IST1: variants seen among roughly 807,000 people sequenced by gnomAD.
IST1 encodes the protein IST1 factor associated with ESCRT-III.
IST1 carries 23 observed loss-of-function variants against 37.0 expected under a neutral mutation model. That is an observed-to-expected ratio of 0.62 (90% CI 0.45 to 0.88). IST1 has a LOEUF of 0.88. IST1 is among the 40% of genes least tolerant of loss of function. IST1 has a pLI of 0.00. For missense variants in IST1, 488 were observed against 445.4 expected, an observed-to-expected ratio of 1.10 and a Z score of -0.86; for synonymous variants, 180 against 161.7, an observed-to-expected ratio of 1.11 and a Z score of -0.86.
At chr16:71,895,884 G>T (rs1238098923) in intron 1 of IST1, among the ~76,000 whole-genome samples, 1 of 152,236 alleles carries the variant, frequency 6.6e-6, no homozygotes, top group African/African-American at 2.4e-5. Context: ...TAGTCTTCCT[G>T]CCCCGAGGTG....
chr16:71,924,776 A>G lies in IST1; in HGVS notation c.860A>G (p.Asp287Gly). ...ACAATCTTTGTGTTTCAGGTAGATGACATTAATGCTGATAAGAATATCTCT... is the reference window on the plus strand; with the variant it reads ...ACAATCTTTGTGTTTCAGGTAGATGGCATTAATGCTGATAAGAATATCTCT... ...ATPPSYESVD[D>G]INADKNISSA... The change falls in exon 9 of 10, where the codon GAC (aspartate) becomes GGC (glycine). Residue 287 changes from aspartate to glycine, a missense_variant. This residue lies in a region of IST1 where 455 missense variants were observed against 386.2 expected (regional missense o/e 1.18). Coordinates refer to ENST00000378799, the MANE Select transcript of IST1 (RefSeq NM_001270975.2). The G allele has an allele frequency of 6.2e-7, 1 of 1,608,336 alleles. No individual in the cohort carries two copies. Among genetic ancestry groups the G allele is most frequent in the East Asian group, 2.2e-5 (1 of 44,870 alleles).
At chr16:71,912,840 T>A (rs981155003) in intron 1 of IST1, among the ~76,000 whole-genome samples, 9 of 152,254 alleles carry the variant, frequency 5.9e-5, no homozygotes, top group Non-Finnish European at 1.3e-4. Context: ...AAAAGCAGAA[T>A]CTTACAGTAT....
chr16:71,907,266 C>G (rs1213720653), intron 1 of IST1, among the ~76,000 whole-genome samples: 2 of 150,056 alleles, frequency 1.3e-5, no homozygotes, highest in Non-Finnish European at 3.0e-5. Flanking sequence ...TACTCTTTCT[C>G]CTATCCTTAT....
intron 1 of IST1, among the ~76,000 whole-genome samples, chr16:71,904,121 G>T (rs1207710286): frequency 6.6e-6 from 1 of 151,948 alleles, no homozygotes; most frequent in East Asian, 1.9e-4. Flanking sequence ...CTATTTGTTT[G>T]GTGGTGGTGG....
chr16:71,909,095 C>CTTTTTTT (rs34086105), intron 1 of IST1, among the ~76,000 whole-genome samples: 12 of 102,930 alleles, frequency 1.2e-4, no homozygotes, highest in East Asian at 3.6e-4. Context: ...TTTTGTTTGT[C>CTTTTTTT]TTTTTTTTTT....
At chr16:71,905,096 C>T (rs1019845017) in intron 1 of IST1, among the ~76,000 whole-genome samples, 19 of 151,584 alleles carry the variant, frequency 1.3e-4, no homozygotes, top group Non-Finnish European at 2.5e-4. Flanking sequence ...AGTGTAGTGG[C>T]GTGGTCTCAG....
chr16:71,900,870 T>G (rs1279228570), intron 1 of IST1, among the ~76,000 whole-genome samples: 5 of 152,168 alleles, frequency 3.3e-5, no homozygotes, highest in Non-Finnish European at 7.3e-5. Flanking sequence ...AGCACAGTGC[T>G]TAATAGAATA....
chr16:71,924,416 C>T (rs932951334), intron 8 of IST1: 1 of 408,288 alleles, frequency 2.4e-6, no homozygotes, highest in Non-Finnish European at 4.6e-6. Context: ...CATGGCGAAA[C>T]CCTGTCTCTA....
intron 1 of IST1, among the ~76,000 whole-genome samples, chr16:71,911,368 T>G (rs2037350509): frequency 6.8e-6 from 1 of 146,694 alleles, no homozygotes; most frequent in African/African-American, 2.5e-5. Flanking sequence ...TAAAAAAAAC[T>G]ATTGCTATAC....
rs1292687487 is a variant in IST1 at position 71,927,710 on chromosome 16, A to C, written c.998A>C (p.Asp333Ala). 1 of 1,613,722 alleles carries C rather than the reference A, an allele frequency of 6.2e-7. No individual in the cohort carries two copies. Among genetic ancestry groups the C allele is most frequent in the Non-Finnish European group, 8.5e-7 (1 of 1,179,646 alleles). ...FVLPELPSVP[D>A]TLPTASAGAS... ...CTACCAGAGTTGCCATCTGTGCCAG[A>C]CACACTACCAACTGCATCTGCTGGT... The change falls in exon 10 of 10, where the codon GAC becomes GCC. Residue 333 changes from aspartate to alanine, a missense_variant. Asp to Ala is a moderately radical substitution (Grantham distance 126, BLOSUM62 -2). Transcript: ENST00000378799.
In IST1 at chr16:71,922,692, TAA is replaced by T. The variant is rs1279070476; in HGVS notation, c.759+13_759+14del. ...TGCCAAAGGGACCAGTAAGTATATA[TAA>T]GTGTGGATGTAAGCTTTAGAAAATG... On this transcript the variant is annotated intron_variant, in intron 7 of 9. Transcript: ENST00000378799. 1.3e-6 allele frequency: 2 copies of T among 1,586,690 alleles called. No individual in the cohort carries two copies. Among genetic ancestry groups the T allele is most frequent in the South Asian group, 1.1e-5 (1 of 89,576 alleles).
chr16:71,924,619 T>C, intron 8 of IST1, 150 bp from the exon 9 acceptor site: 1 of 670,364 alleles, frequency 1.5e-6, no homozygotes, highest in East Asian at 2.6e-5. Flanking sequence ...AGTATCTACC[T>C]GATTGGAAAA....
intron 2 of IST1, 90 bp from the exon 3 acceptor site, chr16:71,916,372 A>C: frequency 8.0e-7 from 1 of 1,256,466 alleles, no homozygotes. Flanking sequence ...TAGTAGAAAC[A>C]CCCAGTTCTT....
intron 7 of IST1, 42 bp from the exon 8 acceptor site, chr16:71,923,246 A>G (rs1275436696): frequency 8.3e-7 from 1 of 1,203,876 alleles, no homozygotes; most frequent in East Asian, 2.4e-5. Context: ...GAGATTGCAA[A>G]CTGGAGGCAG....
rs2037890195 is a variant in IST1, at chr16:71,930,231, A to G, written c.*2418A>G. 1 of 1,492,736 alleles carries G rather than the reference A, an allele frequency of 6.7e-7. No homozygotes were observed. The highest frequency in any genetic ancestry group is 1.3e-5 in the South Asian group (1 of 75,810). 92.5% of individuals were successfully genotyped at this position (1,492,736 alleles called of 1,614,324 possible). ...TGCAGTGACTGACAATTTAGTTTATACTTTACAAACATAAGCTATATGCTA... is the reference window on the plus strand; with the variant it reads ...TGCAGTGACTGACAATTTAGTTTATGCTTTACAAACATAAGCTATATGCTA... On this transcript the variant is annotated 3_prime_UTR_variant, in exon 10 of 10. Coordinates refer to ENST00000378799, the MANE Select transcript of IST1 (RefSeq NM_001270975.2).
At chr16:71,916,402 C>T (rs948422406) in intron 2 of IST1, 60 bp from the exon 3 acceptor site, 25 of 1,543,974 alleles carry the variant, frequency 1.6e-5, no homozygotes, top group South Asian at 2.4e-5. Context: ...GGGAGATTGG[C>T]CTGTAGGCCA....
chr16:71,904,113 A>G (rs139142850), intron 1 of IST1, among the ~76,000 whole-genome samples: 6 of 151,770 alleles, frequency 4.0e-5, no homozygotes, highest in East Asian at 1.9e-4. Context: ...CCAACGTTCT[A>G]TTTGTTTGGT....
chr16:71,926,444 C>T (rs988944646), intron 9 of IST1, among the ~76,000 whole-genome samples: 9 of 151,614 alleles, frequency 5.9e-5, no homozygotes, highest in South Asian at 2.1e-4. Flanking sequence ...CCCGGGTTCA[C>T]GCCATTCTCC....
intron 2 of IST1, among the ~76,000 whole-genome samples, chr16:71,915,945 C>T (rs998549867): frequency 6.6e-6 from 1 of 152,046 alleles, no homozygotes; most frequent in African/African-American, 2.4e-5. Context: ...ATTCTTGTGC[C>T]TCAGCCTCCC....
Sources: gnomAD v4.1 joint callset for allele counts (sites outside exome capture counted in the v4.1 genomes callset) on GRCh38, gnomAD v4.1.1 for gene constraint, gnomAD v4.1.1 regional missense constraint, MANE v1.5 for transcripts, NCBI Gene and HGNC (gene_info 2026-07-23, HGNC 2026-07-21) for gene names.